PROM1: variants seen among roughly 807,000 people sequenced by gnomAD.
PROM1 encodes prominin-1.
PROM1 carries 105 observed loss-of-function variants against 116.9 expected under a neutral mutation model. The ratio of observed to expected loss-of-function variants is 0.90; its 90% CI spans 0.77 to 1.06. PROM1 has a LOEUF of 1.06. PROM1 is among the 50% of genes least tolerant of loss of function. The probability of loss-of-function intolerance (pLI) is 0.00; values close to 1 mark genes in which losing one functional copy is unlikely to be tolerated. For synonymous variants in PROM1, 393 were observed against 387.0 expected (o/e 1.02, Z -0.18); for missense variants, 1,122 against 1,045.2 (o/e 1.07, Z -1.01).
At chr4:16,063,425 G>A (rs10011781) in intron 2 of PROM1, among the ~76,000 whole-genome samples, 69 of 152,090 alleles carry the variant, frequency 4.5e-4, no homozygotes, top group African/African-American at 1.5e-3. Context: ...GTAAAACCCC[G>A]CTTCTACCAA....
Position 16,000,517 on chromosome 4 carries a change from G to A in PROM1, c.1557C>T (p.Tyr519=), listed in dbSNP as rs137853907. The change falls in exon 14 of 28, where the codon TAC becomes TAT. Residue 519 remains tyrosine (Y), a synonymous_variant. Transcript: ENST00000447510. The stretch of plus-strand genomic sequence containing the variant: ...TTACCCGGAATAATTCCTTGCTCGT[G>A]TAAGGTTCACAGATCAGTTTTTCCA... ...ANVEKLICEP[Y]TSKELFRVLD... is the part of the protein sequence containing the mutation. 6.3e-7 allele frequency: 1 copy of A among 1,593,980 alleles called. No individual in the cohort carries two copies.
intron 3 of PROM1, among the ~76,000 whole-genome samples, chr4:16,037,177 T>C (rs1400773): frequency 0.77 from 117,206 of 152,122 alleles, 45,698 homozygotes; most frequent in Non-Finnish European, 0.84. Context: ...GCCCCTACTC[T>C]CATTCCTTGG....
intron 15 of PROM1, among the ~76,000 whole-genome samples, chr4:15,994,905 C>T (rs894432285): frequency 2.0e-5 from 3 of 152,144 alleles, no homozygotes; most frequent in Non-Finnish European, 2.9e-5. Flanking sequence ...GAACTTAGAG[C>T]CTGATGCATG....
intron 2 of PROM1, among the ~76,000 whole-genome samples, chr4:16,052,989 G>A (rs888188840): frequency 3.3e-5 from 5 of 152,152 alleles, no homozygotes; most frequent in African/African-American, 1.2e-4. Context: ...TGCCACAGAC[G>A]AAATATTTAA....
At chr4:16,057,187 C>T (rs916402880) in intron 2 of PROM1, among the ~76,000 whole-genome samples, 2 of 152,198 alleles carry the variant, frequency 1.3e-5, no homozygotes, top group African/African-American at 4.8e-5. Context: ...CATTTGTACA[C>T]AGATCTGGCA....
chr4:16,023,622 G>T (rs974791449), intron 7 of PROM1, among the ~76,000 whole-genome samples: 6 of 152,154 alleles, frequency 3.9e-5, no homozygotes, highest in Non-Finnish European at 7.4e-5. Context: ...AATCACTACA[G>T]ACTCACCAGG....
At chr4:16,011,216 CAGCCTCCCACT>C (rs1726813673) in intron 11 of PROM1, among the ~76,000 whole-genome samples, 2 of 152,174 alleles carry the variant, frequency 1.3e-5, no homozygotes, top group African/African-American at 4.8e-5. Flanking sequence ...CTTTTCCAGG[CAGCCTCCCACT>C]AGCCTCTCCT....
At chr4:15,994,408 G>C (rs1341545485) in intron 15 of PROM1, among the ~76,000 whole-genome samples, 1 of 152,208 alleles carries the variant, frequency 6.6e-6, no homozygotes, top group African/African-American at 2.4e-5. Context: ...AACAATACTT[G>C]CTAGAAAGAG....
In PROM1 at chr4:15,992,385, C is replaced by T; in HGVS notation, c.1774G>A (p.Gly592Arg). ...SEHLNINEHT[G>R]SISSELESLK... ...CTTTCCAATTCACTGCTTATGCTTCCAGTATGCTGCGAAAAAAGGAAGTTA... is the reference window on the plus strand; with the variant it reads ...CTTTCCAATTCACTGCTTATGCTTCTAGTATGCTGCGAAAAAAGGAAGTTA... Residue 592 changes from glycine (G) to arginine (R), a missense_variant, in exon 17 of 28, where the codon GGA becomes AGA. Transcript: ENST00000447510. 6.2e-7 allele frequency: 1 copy of T among 1,611,978 alleles called. No homozygotes were observed. The highest frequency in any genetic ancestry group is 1.1e-5 in the South Asian group (1 of 90,642).
At chr4:16,055,292 C>A in intron 2 of PROM1, 1 of 433,778 alleles carries the variant, frequency 2.3e-6, no homozygotes, top group South Asian at 1.6e-5. Flanking sequence ...TCCAGCTACT[C>A]AGGAGGCTGA....
At chr4:16,081,296 C>A (rs186635197) in intron 1 of PROM1, among the ~76,000 whole-genome samples, 1 of 152,006 alleles carries the variant, frequency 6.6e-6, no homozygotes, top group Non-Finnish European at 1.5e-5. Context: ...TCCCAACAAA[C>A]GGTGCTGGGA....
chr4:16,018,681 A>T, intron 8 of PROM1, 141 bp from the exon 9 acceptor site: 1 of 691,860 alleles, frequency 1.4e-6, no homozygotes, highest in Non-Finnish European at 2.5e-6. Flanking sequence ...GCAGTCTGAG[A>T]GGGGAATACA....
At chr4:15,995,559 G>A (rs998776966) in intron 15 of PROM1, among the ~76,000 whole-genome samples, 2 of 152,200 alleles carry the variant, frequency 1.3e-5, no homozygotes, top group African/African-American at 2.4e-5. Flanking sequence ...ATGGAAACGA[G>A]GACTTTTCTC....
intron 1 of PROM1, among the ~76,000 whole-genome samples, chr4:16,078,800 G>A (rs986499298): frequency 6.6e-6 from 1 of 152,140 alleles, no homozygotes; most frequent in Non-Finnish European, 1.5e-5. Context: ...TGAGCTATTT[G>A]AACAAAGATG....
At chr4:16,017,821 C>CA (rs1177160948) in intron 9 of PROM1, among the ~76,000 whole-genome samples, 8 of 146,790 alleles carry the variant, frequency 5.4e-5, no homozygotes, top group South Asian at 2.1e-4. Flanking sequence ...GACTCCATCT[C>CA]AAAAAAAAAA....
chr4:16,000,558 C>T lies in PROM1; in HGVS notation c.1516G>A (p.Val506Ile). The part of the protein sequence containing the change: ...ILMIIVVLTF[V>I]FGANVEKLIC... ...AGTTTTTCCACATTTGCACCAAAGA[C>T]AAAGGTAAGAACCACAATGATCATC... The change falls in exon 14 of 28, where the codon GTC (valine) becomes ATC (isoleucine). Residue 506 changes from valine to isoleucine, a missense_variant. Physicochemically the swap from Val to Ile is conservative, Grantham distance 29 (BLOSUM62 3). Transcript: ENST00000447510. 1 of 1,591,278 alleles carries T rather than the reference C, an allele frequency of 6.3e-7. No individual in the cohort carries two copies. The highest frequency in any genetic ancestry group is 8.6e-7 in the Non-Finnish European group (1 of 1,159,960).
At chr4:15,999,287 T>C (rs6833602) in intron 14 of PROM1, among the ~76,000 whole-genome samples, 2,605 of 151,884 alleles carry the variant, frequency 0.017, 79 homozygotes, top group African/African-American at 0.059. Context: ...CTGGCTAACG[T>C]GGTGAAACCC....
At chr4:16,039,758 G>C (rs1734768959) in intron 2 of PROM1, among the ~76,000 whole-genome samples, 1 of 151,750 alleles carries the variant, frequency 6.6e-6, no homozygotes, top group South Asian at 2.1e-4. Context: ...TCTTAACATG[G>C]GAAATCCTTC....
At chr4:15,986,100 G>T in intron 20 of PROM1, 63 bp from the exon 21 acceptor site, 1 of 1,208,306 alleles carries the variant, frequency 8.3e-7, no homozygotes, top group East Asian at 2.5e-5. Context: ...TAGACAATTT[G>T]CATATTGATT....
Sources: allele counts gnomAD v4.1 joint callset (sites outside exome capture counted in the v4.1 genomes callset), GRCh38; gene constraint gnomAD v4.1.1; transcripts MANE v1.5; gene names NCBI Gene and HGNC (gene_info 2026-07-23, HGNC 2026-07-21).